The following ADGRB3 variants were observed in gnomAD, a reference collection of about 807,000 sequenced individuals.
ADGRB3 encodes adhesion G protein-coupled receptor B3.
Under a neutral mutation model 193.4 loss-of-function variants are expected in ADGRB3, and 37 were observed. The observed-to-expected ratio is 0.19, with a 90% CI of 0.15 to 0.25. The LOEUF (loss-of-function observed/expected upper bound fraction) is 0.25. Among genes scored for constraint, ADGRB3 ranks in the 10% least tolerant of loss-of-function variants. The probability of loss-of-function intolerance (pLI) is 1.00; values close to 1 mark genes in which losing one functional copy is unlikely to be tolerated. For synonymous variants in ADGRB3, 690 were observed against 644.2 expected (o/e 1.07, Z -1.08); for missense variants, 1,637 against 1,852.9 (o/e 0.88, Z 2.14).
Position 69,028,947 on chromosome 6 carries a change from G to T in ADGRB3, c.2107+10448G>T, listed in dbSNP as rs144665511. On this transcript the variant is annotated intron_variant, in intron 13 of 31. Transcript: ENST00000370598. ...AATTAATGTTTTCACAAATATTCAT[G>T]ATACTATTTACTCCTCACAACCTTT... 7.7e-3 allele frequency among the ~76,000 whole-genome samples: 1,177 copies of T among 152,182 alleles called. 18 individuals carry two copies. The highest frequency in any genetic ancestry group is 0.027 in the African/African-American group (1,125 of 41,516).
chr6:68,997,039 G>A (rs115217663), intron 11 of ADGRB3, among the ~76,000 whole-genome samples: 1 of 152,116 alleles, frequency 6.6e-6, no homozygotes, highest in Non-Finnish European at 1.5e-5. Context: ...ATGTAGTTAT[G>A]TGCAAGGTAT....
chr6:69,322,684 G>A (rs1389008538), intron 20 of ADGRB3, among the ~76,000 whole-genome samples: 1 of 151,922 alleles, frequency 6.6e-6, no homozygotes, highest in African/African-American at 2.4e-5. Flanking sequence ...CTGAAGCAAA[G>A]TGTAGCTCCT....
rs899456521 is a variant in ADGRB3, at chr6:69,366,137, AT to A, written c.4239+4633del. Among the ~76,000 whole-genome samples, 7 of 151,624 alleles carry A rather than the reference AT, an allele frequency of 4.6e-5. 1 individual carries two copies. The highest frequency in any genetic ancestry group is 2.4e-5 in the African/African-American group (1 of 41,376). ...TTTTTTACATTTTTTTCTCTTTTACATTTTTTTTCTCATGTAAGTCTGATGA... is the reference window on the plus strand; with the variant it reads ...TTTTTTACATTTTTTTCTCTTTTACATTTTTTTCTCATGTAAGTCTGATGA... On this transcript the variant is annotated intron_variant, in intron 29 of 31. Transcript: ENST00000370598.
intron 3 of ADGRB3, among the ~76,000 whole-genome samples, chr6:68,763,648 A>ACC (rs1425895613): frequency 9.9e-5 from 15 of 152,176 alleles, no homozygotes; most frequent in Admixed American, 2.6e-4. Context: ...CTTGTTTCTG[A>ACC]ATTTAAAGGT....
intron 20 of ADGRB3, among the ~76,000 whole-genome samples, chr6:69,266,717 CAACA>C (rs757604786): frequency 1.3e-5 from 2 of 151,864 alleles, no homozygotes; most frequent in Non-Finnish European, 2.9e-5. Flanking sequence ...TCTACCAAAA[CAACA>C]AACAGAGAGA....
intron 17 of ADGRB3, among the ~76,000 whole-genome samples, chr6:69,155,827 A>C (rs1476238168): frequency 6.6e-6 from 1 of 152,206 alleles, no homozygotes; most frequent in Admixed American, 6.5e-5. Flanking sequence ...CTTCATTTAG[A>C]AGCTTCAAAG....
intron 3 of ADGRB3, among the ~76,000 whole-genome samples, chr6:68,915,540 G>T (rs1766855227): frequency 6.6e-6 from 1 of 152,192 alleles, no homozygotes; most frequent in Non-Finnish European, 1.5e-5. Context: ...ATTTTAGACA[G>T]CTATATGCTC....
chr6:68,710,965 G>A (rs1765398974), intron 3 of ADGRB3, among the ~76,000 whole-genome samples: 1 of 152,030 alleles, frequency 6.6e-6, no homozygotes, highest in Non-Finnish European at 1.5e-5. Context: ...CTTTGGTGGG[G>A]AAATGTTCCC....
rs1437484988 is a variant in ADGRB3, at chr6:69,048,142, T to C, written c.2108-43T>C. On this transcript the variant is annotated intron_variant, in intron 13 of 31. Coordinates refer to ENST00000370598, the MANE Select transcript of ADGRB3 (RefSeq NM_001704.3). ...TTGATCAACACTGATTACACTAAAA[T>C]GTAAAGCAAGTTTAATTGAAATTAT... 4 of 1,583,070 alleles carry C rather than the reference T, an allele frequency of 2.5e-6. No homozygotes were observed. In the African/African-American group the frequency reaches 4.1e-5, roughly 16 times the overall value.
chr6:68,776,533 G>A (rs1766751068), intron 3 of ADGRB3, among the ~76,000 whole-genome samples: 1 of 152,062 alleles, frequency 6.6e-6, no homozygotes, highest in African/African-American at 2.4e-5. Flanking sequence ...ACTACTTTCT[G>A]CTAAATGCAG....
chr6:69,216,884 G>T (rs113935506), intron 17 of ADGRB3, among the ~76,000 whole-genome samples: 2,126 of 152,244 alleles, frequency 0.014, 21 homozygotes, highest in Middle Eastern at 0.027. Context: ...GGAACTGCAC[G>T]CATTCAGGTT....
intron 20 of ADGRB3, among the ~76,000 whole-genome samples, chr6:69,291,225 C>T (rs1314911980): frequency 6.6e-6 from 1 of 152,002 alleles, no homozygotes; most frequent in Non-Finnish European, 1.5e-5. Flanking sequence ...TCCAATAATG[C>T]TCACTTTATT....
chr6:69,031,021 T>TTC (rs1562128738), intron 13 of ADGRB3, among the ~76,000 whole-genome samples: 1,120 of 102,080 alleles, frequency 0.011, 203 homozygotes, highest in African/African-American at 0.019. Context: ...TTTTCTTTTT[T>TTC]TTTTCCTCTT....
intron 20 of ADGRB3, among the ~76,000 whole-genome samples, chr6:69,276,274 A>T (rs921896876): frequency 1.3e-5 from 2 of 152,230 alleles, no homozygotes; most frequent in Admixed American, 1.3e-4. Flanking sequence ...TGTTAATCAC[A>T]TCCACAAATG....
At chr6:69,320,816 C>CGTGTGTGTGT (rs1175461597) in intron 20 of ADGRB3, among the ~76,000 whole-genome samples, 23 of 110,604 alleles carry the variant, frequency 2.1e-4, no homozygotes, top group African/African-American at 7.9e-4. Flanking sequence ...TGTGCTTGTG[C>CGTGTGTGTGT]ATGTGTGTAT....
At chr6:68,744,688 G>A (rs1766048284) in intron 3 of ADGRB3, among the ~76,000 whole-genome samples, 1 of 152,110 alleles carries the variant, frequency 6.6e-6, no homozygotes, top group Non-Finnish European at 1.5e-5. Flanking sequence ...GTTGAACAAT[G>A]AGAACACATG....
intron 3 of ADGRB3, among the ~76,000 whole-genome samples, chr6:68,789,514 G>A (rs572423659): frequency 5.3e-5 from 8 of 152,300 alleles, no homozygotes; most frequent in East Asian, 1.9e-4. Context: ...GAGTTTCTGC[G>A]GAGAGATCAG....
chr6:69,271,179 G>A (rs1231712789), intron 20 of ADGRB3, among the ~76,000 whole-genome samples: 3 of 152,158 alleles, frequency 2.0e-5, no homozygotes, highest in East Asian at 1.9e-4. Flanking sequence ...TGAACGATAA[G>A]GAAAGCAGGG....
At chr6:69,071,562 A>C (rs539847839) in intron 16 of ADGRB3, among the ~76,000 whole-genome samples, 1 of 152,298 alleles carries the variant, frequency 6.6e-6, no homozygotes, top group African/African-American at 2.4e-5. Flanking sequence ...AAAGTGAGTA[A>C]ATAGAAACAT....
Sources: allele counts gnomAD v4.1 joint callset (sites outside exome capture counted in the v4.1 genomes callset), GRCh38; gene constraint gnomAD v4.1.1; transcripts MANE v1.5; gene names NCBI Gene and HGNC (gene_info 2026-07-23, HGNC 2026-07-21).